Variants in ZNF695 observed in about 807,000 individuals in gnomAD.
ZNF695 encodes zinc finger protein SBZF3.
ZNF695 carries 11 observed loss-of-function variants against 11.2 expected under a neutral mutation model. The ratio of observed to expected loss-of-function variants is 0.98; its 90% CI spans 0.62 to 1.62. The LOEUF is 1.62. Ranked by LOEUF, ZNF695 falls within the 40% of genes most tolerant of loss-of-function variation. ZNF695 has a pLI of 0.00. For synonymous variants in ZNF695, 190 were observed against 201.4 expected, an observed-to-expected ratio of 0.94 and a Z score of 0.48; for missense variants, 559 against 590.5, an observed-to-expected ratio of 0.95 and a Z score of 0.55.
rs1209261062 is a variant in ZNF695 at position 246,985,741 on chromosome 1, A to G, written c.*1226T>C. The G allele has an allele frequency of 1.0e-6, 1 of 985,274 alleles. No homozygotes were observed. Among genetic ancestry groups the G allele is most frequent in the African/African-American group, 1.7e-5 (1 of 57,242 alleles). 61.0% of individuals were successfully genotyped at this position (985,274 alleles called of 1,614,324 possible). Reference sequence around the variant, plus strand: ...ACTCAAATGTTTCTTTCTTAAATATAATGCAGAATAGTACTCTGAAGACCT... The same window carrying G: ...ACTCAAATGTTTCTTTCTTAAATATGATGCAGAATAGTACTCTGAAGACCT... On this transcript the variant is annotated 3_prime_UTR_variant, in exon 4 of 4. Coordinates refer to ENST00000339986, the MANE Select transcript of ZNF695 (RefSeq NM_020394.5).
intron 5 of ZNF695, among the ~76,000 whole-genome samples, chr1:246,962,580 C>T (rs970853993): frequency 3.3e-5 from 5 of 152,136 alleles, no homozygotes; most frequent in African/African-American, 9.7e-5. Context: ...AAGTGGCTTC[C>T]GTGGGGCTGG....
rs900924835 is a variant in ZNF695, at chr1:246,985,755, C to A, written c.*1212G>T. The A allele has an allele frequency of 1.0e-6, 1 of 985,338 alleles. No individual in the cohort carries two copies. The highest frequency in any genetic ancestry group is 1.2e-6 in the Non-Finnish European group (1 of 829,888). 61.0% of individuals were successfully genotyped at this position (985,338 alleles called of 1,614,324 possible). ...TTCTTAAATATAATGCAGAATAGTA[C>A]TCTGAAGACCTATCTCATGAATCAC... On this transcript the variant is annotated 3_prime_UTR_variant, in exon 4 of 4. Transcript: ENST00000339986.
At chr1:246,989,991 A>AC (rs1668978522) in intron 3 of ZNF695, among the ~76,000 whole-genome samples, 1 of 142,174 alleles carries the variant, frequency 7.0e-6, no homozygotes, top group South Asian at 2.3e-4. Flanking sequence ...ACACAGTGAG[A>AC]CCCCATCTTG....
chr1:246,999,517 G>A lies in ZNF695; in HGVS notation c.167-77C>T. On this transcript the variant is annotated intron_variant, in intron 2 of 3. Coordinates refer to ENST00000339986, the MANE Select transcript of ZNF695 (RefSeq NM_020394.5). ...CTTTTACTATGCTCAGTAGAGAAGA[G>A]AAAACATCACATTAGATCCTAGAAA... 3 of 1,141,810 alleles carry A rather than the reference G, an allele frequency of 2.6e-6. No homozygotes were observed. The South Asian group carries it at 4.0e-5, about 15-fold the overall frequency. The allele number at this position is 1,141,810 out of a possible 1,614,324, so 70.7% of individuals were successfully genotyped here. A position where few individuals can be genotyped will look rare whatever the true frequency, so the allele number is the denominator to read the frequency against.
rs536296025 is a variant in ZNF695, at chr1:246,985,588, C to T, written c.*1379G>A. ...AGGATACGCATCACTTAATGTACAA[C>T]GGTCCAAAGACATTAAAACAATGTC... On this transcript the variant is annotated 3_prime_UTR_variant, in exon 4 of 4. Coordinates refer to ENST00000339986, the MANE Select transcript of ZNF695 (RefSeq NM_020394.5). 32 of 973,304 alleles carry T rather than the reference C, an allele frequency of 3.3e-5. No homozygotes were observed. Among genetic ancestry groups the T allele is most frequent in the East Asian group, 1.3e-4 (1 of 7,610 alleles). The allele number at this position is 973,304 out of a possible 1,614,324, so 60.3% of individuals were successfully genotyped here. A position where few individuals can be genotyped will look rare whatever the true frequency, so the allele number is the denominator to read the frequency against.
chr1:246,955,467 A>G (rs749597036), intron 5 of ZNF695, among the ~76,000 whole-genome samples: 11 of 152,210 alleles, frequency 7.2e-5, no homozygotes, highest in Non-Finnish European at 2.9e-5. Context: ...CAAAATGTGT[A>G]TAAGTAATTT....
At position 246,994,900 on chromosome 1, in the gene ZNF695, AAAGAC is replaced by A. The variant is rs769201175; in HGVS notation, c.259+4443_259+4447del. Among the ~76,000 whole-genome samples, 9 of 152,200 alleles carry A rather than the reference AAAGAC, an allele frequency of 5.9e-5. No individual in the cohort carries two copies. In the East Asian group the frequency reaches 1.3e-3, roughly 23 times the overall value. ...ACACGAACAACTCACAGGAGACAAA[AAAGAC>A]AATAAATAATAAAAGGTTTTGTTCA... On this transcript the variant is annotated intron_variant, in intron 3 of 3. Transcript: ENST00000339986.
intron 5 of ZNF695, among the ~76,000 whole-genome samples, chr1:246,965,474 C>G (rs925964111): frequency 6.6e-6 from 1 of 152,082 alleles, no homozygotes; most frequent in Non-Finnish European, 1.5e-5. Flanking sequence ...TGGTGGCTCA[C>G]GCCTGTAATC....
intron 4 of ZNF695, among the ~76,000 whole-genome samples, chr1:246,978,718 C>T (rs1668628877): frequency 6.6e-6 from 1 of 152,256 alleles, no homozygotes; most frequent in African/African-American, 2.4e-5. Flanking sequence ...GGCTGCTGCA[C>T]GTAGAATGGA....
chr1:247,007,924 G>T lies in ZNF695; in HGVS notation c.-16C>A. The T allele has an allele frequency of 6.6e-7, 1 of 1,525,452 alleles. No individual in the cohort carries two copies. The highest frequency in any genetic ancestry group is 8.9e-7 in the Non-Finnish European group (1 of 1,129,000). 94.5% of individuals were successfully genotyped at this position (1,525,452 alleles called of 1,614,324 possible). A position where few individuals can be genotyped will look rare whatever the true frequency, so the allele number is the denominator to read the frequency against. ...CACTCACCATTTCCCAGCTTTTGGG[G>T]GTCCCAGCGTCCTCCCTATAAATCT... On this transcript the variant is annotated 5_prime_UTR_variant, in exon 1 of 4. Transcript: ENST00000339986.
Position 246,986,864 on chromosome 1 carries a change from TCATTA to T in ZNF695, c.*98_*102del. 1 of 1,461,930 alleles carries T rather than the reference TCATTA, an allele frequency of 6.8e-7. No individual in the cohort carries two copies. The highest frequency in any genetic ancestry group is 9.0e-7 in the Non-Finnish European group (1 of 1,108,382). The allele number at this position is 1,461,930 out of a possible 1,614,324, so 90.6% of individuals were successfully genotyped here. A position where few individuals can be genotyped will look rare whatever the true frequency, so the allele number is the denominator to read the frequency against. On this transcript the variant is annotated 3_prime_UTR_variant, in exon 4 of 4. Transcript: ENST00000339986. ...TAGACTGTAAATGGCCTTTTGACAG[TCATTA>T]CATTTGTAACACTCTTATTCAGTAA... is the stretch of plus-strand genomic sequence containing the variant.
chr1:246,981,006 C>T (rs1363846829), downstream of ZNF695, among the ~76,000 whole-genome samples: 3 of 151,994 alleles, frequency 2.0e-5, no homozygotes, highest in Admixed American at 6.6e-5. Flanking sequence ...AATTATATGT[C>T]GGATGGGTTA....
At chr1:246,994,996 C>T (rs1198083728) in intron 3 of ZNF695, among the ~76,000 whole-genome samples, 2 of 152,120 alleles carry the variant, frequency 1.3e-5, no homozygotes, top group Admixed American at 6.5e-5. Context: ...CCAGGGTTCA[C>T]GATATATAAA....
At chr1:246,952,994 C>T (rs1667903331) in intron 5 of ZNF695, among the ~76,000 whole-genome samples, 1 of 152,008 alleles carries the variant, frequency 6.6e-6, no homozygotes, top group Non-Finnish European at 1.5e-5. Flanking sequence ...AAGGATGTGA[C>T]CCTACTTGAG....
At chr1:246,969,366 A>T (rs1668367981) in intron 4 of ZNF695, 1 of 152,232 alleles carries the variant, frequency 6.6e-6, no homozygotes, top group Non-Finnish European at 1.5e-5. Flanking sequence ...AGCAAGAGTG[A>T]CCTTTACTGT....
intron 5 of ZNF695, among the ~76,000 whole-genome samples, chr1:246,964,788 T>C (rs1668244910): frequency 6.6e-6 from 1 of 151,936 alleles, no homozygotes; most frequent in South Asian, 2.1e-4. Flanking sequence ...TGAGAATCAC[T>C]TGCACCCAGG....
At chr1:246,965,659 C>A (rs1168405979) in intron 5 of ZNF695, among the ~76,000 whole-genome samples, 1 of 151,974 alleles carries the variant, frequency 6.6e-6, no homozygotes, top group Non-Finnish European at 1.5e-5. Context: ...ATCGCTTGAA[C>A]CCGGGAGGTG....
chr1:246,957,154 C>T (rs1049201492), intron 5 of ZNF695, among the ~76,000 whole-genome samples: 8 of 152,090 alleles, frequency 5.3e-5, no homozygotes, highest in African/African-American at 1.9e-4. Context: ...AGACCGAGGC[C>T]GGCAGATCAT....
At chr1:246,977,803 G>A (rs1199025724) in intron 4 of ZNF695, among the ~76,000 whole-genome samples, 1 of 152,176 alleles carries the variant, frequency 6.6e-6, no homozygotes, top group Non-Finnish European at 1.5e-5. Flanking sequence ...AACTAATAGT[G>A]CAGTGACCTT....
Sources: gnomAD v4.1 joint callset for allele counts (sites outside exome capture counted in the v4.1 genomes callset) on GRCh38, gnomAD v4.1.1 for gene constraint, MANE v1.5 for transcripts, NCBI Gene and HGNC (gene_info 2026-07-23, HGNC 2026-07-21) for gene names.